The following RASSF2 variants were observed in gnomAD, a reference collection of about 807,000 sequenced individuals.
RASSF2 encodes ras association domain-containing protein 2.
Under a neutral mutation model 46.3 loss-of-function variants are expected in RASSF2, and 34 were observed. The ratio of observed to expected loss-of-function variants is 0.73; its 90% CI spans 0.56 to 0.98. The LOEUF is 0.98. Ranked by LOEUF, RASSF2 falls within the 50% of genes least tolerant of loss-of-function variation. The pLI, the probability that RASSF2 is intolerant of heterozygous loss-of-function variation, is 0.00. For synonymous variants in RASSF2, 158 were observed against 162.5 expected (o/e 0.97, Z 0.21); for missense variants, 364 against 431.2 (o/e 0.84, Z 1.38).
chr20:4,796,306 T>C (rs59947114), intron 4 of RASSF2, among the ~76,000 whole-genome samples: 26,112 of 152,266 alleles, frequency 0.17, 2,399 homozygotes, highest in East Asian at 0.3. Context: ...ATTAGCCTTG[T>C]TAACAGAAGC....
chr20:4,815,614 T>C (rs1001936200), intron 2 of RASSF2, among the ~76,000 whole-genome samples: 1 of 152,202 alleles, frequency 6.6e-6, no homozygotes, highest in African/African-American at 2.4e-5. Flanking sequence ...TCCACACAAC[T>C]CCACTTCTAC....
intron 7 of RASSF2, 60 bp from the exon 8 acceptor site, chr20:4,789,757 C>G (rs1470657513): frequency 1.3e-5 from 18 of 1,414,734 alleles, no homozygotes; most frequent in Non-Finnish European, 1.7e-5. Context: ...GTGCTAAAAT[C>G]CAGGTGCGGT....
In RASSF2 at chr20:4,784,073, G is replaced by T. The variant is rs1176534366; in HGVS notation, c.*200C>A. The T allele has an allele frequency of 6.6e-6, 4 of 606,212 alleles. No individual in the cohort carries two copies. The highest frequency in any genetic ancestry group is 8.9e-6 in the Non-Finnish European group (3 of 338,976). The allele number at this position is 606,212 out of a possible 1,614,324, so 37.6% of individuals were successfully genotyped here. A position where few individuals can be genotyped will look rare whatever the true frequency, so the allele number is the denominator to read the frequency against. On this transcript the variant is annotated 3_prime_UTR_variant, in exon 12 of 12. Coordinates refer to ENST00000379400, the MANE Select transcript of RASSF2 (RefSeq NM_014737.3). ...CTAAAATCAAAAGTCCTTGTGAGCA[G>T]AAAAAAGGAGGGCAGGGGTCCAGGG...
At position 4,805,197 on chromosome 20, in the gene RASSF2, T is replaced by G. The variant is rs79796053; in HGVS notation, c.-32-4135A>C. Among the ~76,000 whole-genome samples the G allele has an allele frequency of 4.2e-3, 640 of 152,098 alleles. 4 individuals are homozygous for G. The highest frequency in any genetic ancestry group is 0.015 in the African/African-American group (603 of 41,490). Reference sequence around the variant, plus strand: ...TATGGTAACAGGGACTCTGCAGATGTGATTAAATGAAGGATCTTGAAACGA... The same window carrying G: ...TATGGTAACAGGGACTCTGCAGATGGGATTAAATGAAGGATCTTGAAACGA... On this transcript the variant is annotated intron_variant, in intron 2 of 11. Coordinates refer to ENST00000379400, the MANE Select transcript of RASSF2 (RefSeq NM_014737.3).
chr20:4,791,732 G>A lies in RASSF2; in HGVS notation c.376+807C>T, dbSNP rs150466848. The stretch of plus-strand genomic sequence containing the variant: ...GACGTGACACATGTATAAGGCCGCC[G>A]ACTGCAAACTCGTTTGTCATAGCAG... On this transcript the variant is annotated intron_variant, in intron 6 of 11. Transcript: ENST00000379400. Among the ~76,000 whole-genome samples, 328 of 152,318 alleles carry A rather than the reference G, an allele frequency of 2.2e-3. 1 individual carries two copies. The highest frequency in any genetic ancestry group is 7.6e-3 in the African/African-American group (317 of 41,566).
At position 4,784,191 on chromosome 20, in the gene RASSF2, TG is replaced by T; in HGVS notation, c.*81del. ...GGAGGTTTGTGTCTAAATGTTTCCATGGAAAGAAAGTGCCTAGCTTCCTGGG... is the reference window on the plus strand; with the variant it reads ...GGAGGTTTGTGTCTAAATGTTTCCATGAAAGAAAGTGCCTAGCTTCCTGGG... On this transcript the variant is annotated 3_prime_UTR_variant, in exon 12 of 12. Coordinates refer to ENST00000379400, the MANE Select transcript of RASSF2 (RefSeq NM_014737.3). The T allele has an allele frequency of 7.1e-7, 1 of 1,404,606 alleles. No homozygotes were observed. The highest frequency in any genetic ancestry group is 1.0e-6 in the Non-Finnish European group (1 of 990,640). 87.0% of individuals were successfully genotyped at this position (1,404,606 alleles called of 1,614,324 possible).
Position 4,790,440 on chromosome 20 carries a change from GT to G in RASSF2, c.537+10del. 1 of 1,449,244 alleles carries G rather than the reference GT, an allele frequency of 6.9e-7. No homozygotes were observed. The highest frequency in any genetic ancestry group is 9.1e-7 in the Non-Finnish European group (1 of 1,099,720). 89.8% of individuals were successfully genotyped at this position (1,449,244 alleles called of 1,614,324 possible). A position where few individuals can be genotyped will look rare whatever the true frequency, so the allele number is the denominator to read the frequency against. ...GGTCTTCCACCCTCCCCGTCCCCCTGTCCACCTTACCTTATGGTTGTAGAAA... is the reference window on the plus strand; with the variant it reads ...GGTCTTCCACCCTCCCCGTCCCCCTGCCACCTTACCTTATGGTTGTAGAAA... On this transcript the variant is annotated intron_variant, in intron 7 of 11. Coordinates refer to ENST00000379400, the MANE Select transcript of RASSF2 (RefSeq NM_014737.3). This position sits in a 1 kb window ranked among gnomAD's most constrained non-coding sequence, Gnocchi z 4.3.
At chr20:4,813,419 T>C (rs1375713620) in intron 2 of RASSF2, among the ~76,000 whole-genome samples, 3 of 152,054 alleles carry the variant, frequency 2.0e-5, no homozygotes, top group Admixed American at 2.0e-4. Context: ...CTGTGGAAGA[T>C]GGGAGGAAGC....
chr20:4,820,236 G>A (rs995010598), intron 2 of RASSF2, among the ~76,000 whole-genome samples: 1 of 152,216 alleles, frequency 6.6e-6, no homozygotes, highest in African/African-American at 2.4e-5. Flanking sequence ...CAGGCACAGT[G>A]GCTCATACCT....
rs775111655 is a variant in RASSF2, at chr20:4,790,591, G to A, written c.397C>T (p.Leu133=). ...SSTDSRGLKP[L]QEDTPQLMRT... ...ATCAGCTGTGGGGTGTCCTCCTGCA[G>A]GGGCTTCAGGCCCCTGGAGTCTGAG... The change falls in exon 7 of 12, where the codon CTG becomes TTG. Residue 133 remains leucine (L), a synonymous_variant. Coordinates refer to ENST00000379400, the MANE Select transcript of RASSF2 (RefSeq NM_014737.3). This position sits in a 1 kb window ranked among gnomAD's most constrained non-coding sequence, Gnocchi z 4.3. 6.5e-6 allele frequency: 10 copies of A among 1,528,188 alleles called. No homozygotes were observed. The highest frequency in any genetic ancestry group is 5.3e-5 in the East Asian group (2 of 37,720). 94.7% of individuals were successfully genotyped at this position (1,528,188 alleles called of 1,614,324 possible).
intron 2 of RASSF2, among the ~76,000 whole-genome samples, chr20:4,816,497 TTC>T (rs1928314142): frequency 6.6e-6 from 1 of 152,160 alleles, no homozygotes; most frequent in Admixed American, 6.5e-5. Flanking sequence ...GGTACAGAGC[TTC>T]TGTTTGGAAC....
chr20:4,790,504 G>T lies in RASSF2; in HGVS notation c.484C>A (p.Arg162=). ...RGNVRTPSDQ[R]RIRRHRFSIN... ...GAGAAGCGGTGGCGTCTGATTCGCC[G>T]CTGGTCACTAGGCGTCCTCACATTG... is the stretch of plus-strand genomic sequence containing the variant. The change falls in exon 7 of 12, where the codon CGG becomes AGG. Residue 162 remains arginine, a synonymous_variant. Transcript: ENST00000379400. The surrounding 1 kb of genome is among the most constrained non-coding windows in gnomAD (Gnocchi z 4.3). The T allele has an allele frequency of 1.3e-6, 2 of 1,526,334 alleles. No individual in the cohort carries two copies. The highest frequency in any genetic ancestry group is 1.8e-6 in the Non-Finnish European group (2 of 1,141,246). 94.5% of individuals were successfully genotyped at this position (1,526,334 alleles called of 1,614,324 possible). A position where few individuals can be genotyped will look rare whatever the true frequency, so the allele number is the denominator to read the frequency against.
At chr20:4,794,242 T>C (rs971968973) in intron 5 of RASSF2, among the ~76,000 whole-genome samples, 12 of 151,932 alleles carry the variant, frequency 7.9e-5, no homozygotes, top group African/African-American at 2.2e-4. Context: ...CTGTGCAACA[T>C]AGTGAGACCC....
intron 2 of RASSF2, among the ~76,000 whole-genome samples, chr20:4,820,431 G>A (rs560842074): frequency 9.2e-5 from 14 of 152,062 alleles, no homozygotes; most frequent in African/African-American, 3.4e-4. Flanking sequence ...GGATCGCTTG[G>A]GCCCAGGAGG....
chr20:4,795,701 G>C lies in RASSF2; in HGVS notation c.287+114C>G. ...AGGCAGGTGGGCAGTAGAGGTAGTA[G>C]GAGGAGGAGCCAGGGTCAGGGCTGG... On this transcript the variant is annotated intron_variant, in intron 5 of 11. Transcript: ENST00000379400. The surrounding 1 kb of genome is among the most constrained non-coding windows in gnomAD (Gnocchi z 4.0). 7.6e-7 allele frequency: 1 copy of C among 1,309,408 alleles called. No individual in the cohort carries two copies. The highest frequency in any genetic ancestry group is 1.0e-6 in the Non-Finnish European group (1 of 959,858). 81.1% of individuals were successfully genotyped at this position (1,309,408 alleles called of 1,614,324 possible). A position where few individuals can be genotyped will look rare whatever the true frequency, so the allele number is the denominator to read the frequency against.
intron 6 of RASSF2, 140 bp downstream of exon 6, chr20:4,792,399 G>T: frequency 6.6e-7 from 1 of 1,512,648 alleles, no homozygotes; most frequent in Non-Finnish European, 8.9e-7. Context: ...TGGATGAGGT[G>T]GGTGACTTAA....
chr20:4,818,690 A>G (rs1928492946), intron 2 of RASSF2, among the ~76,000 whole-genome samples: 1 of 152,216 alleles, frequency 6.6e-6, no homozygotes, highest in Admixed American at 6.5e-5. Flanking sequence ...GCTGGTCACA[A>G]CCTAGGAATA....
intron 2 of RASSF2, among the ~76,000 whole-genome samples, chr20:4,808,372 C>A (rs1601124227): frequency 6.6e-6 from 1 of 152,046 alleles, no homozygotes. Flanking sequence ...GAGGGGCTTC[C>A]CACATCAGCC....
intron 2 of RASSF2, among the ~76,000 whole-genome samples, chr20:4,815,557 A>C (rs1284294800): frequency 6.6e-6 from 1 of 152,210 alleles, no homozygotes; most frequent in East Asian, 1.9e-4. Flanking sequence ...GGATGCTTGA[A>C]ATAGAAAGGC....
Sources: allele counts gnomAD v4.1 joint callset (sites outside exome capture counted in the v4.1 genomes callset), GRCh38; gene constraint gnomAD v4.1.1; non-coding constraint Gnocchi (gnomAD v3.1); transcripts MANE v1.5; gene names NCBI Gene and HGNC (gene_info 2026-07-23, HGNC 2026-07-21).